Variants in PSD3 observed in about 807,000 individuals in gnomAD.
The protein encoded by PSD3 is PH and SEC7 domain-containing protein 3.
A neutral mutation model predicts 105.5 loss-of-function variants in PSD3; 49 were observed. The observed-to-expected ratio is 0.46, with a 90% CI of 0.37 to 0.59. PSD3 has a LOEUF of 0.59. Among genes scored for constraint, PSD3 ranks in the 20% least tolerant of loss-of-function variants. PSD3 has a pLI of 0.00. For synonymous variants in PSD3, 557 were observed against 457.8 expected (o/e 1.22, Z -2.77); for missense variants, 1,561 against 1,263.8 (o/e 1.24, Z -3.57).
intron 12 of PSD3, among the ~76,000 whole-genome samples, chr8:18,596,256 T>G (rs1211041350): frequency 6.6e-6 from 1 of 151,880 alleles, no homozygotes; most frequent in Non-Finnish European, 1.5e-5. Flanking sequence ...ACAAAAGCAG[T>G]ACCAATAGGC....
intron 9 of PSD3, among the ~76,000 whole-genome samples, chr8:18,737,239 G>A (rs966489464): frequency 6.6e-6 from 1 of 152,182 alleles, no homozygotes; most frequent in Non-Finnish European, 1.5e-5. Flanking sequence ...CACTGCATTA[G>A]TTCACAAATG....
chr8:18,924,685 T>A (rs1374837492), intron 2 of PSD3: 1 of 152,236 alleles, frequency 6.6e-6, no homozygotes, highest in Non-Finnish European at 1.5e-5. Flanking sequence ...GCCATGCTAC[T>A]TTTTTCTTGT....
intron 9 of PSD3, among the ~76,000 whole-genome samples, chr8:18,660,973 T>C (rs1809304464): frequency 1.3e-5 from 2 of 152,214 alleles, no homozygotes; most frequent in Non-Finnish European, 2.9e-5. Context: ...TTCCTCACTT[T>C]TGGTTGCTTC....
chr8:18,697,139 T>C (rs879489691), intron 9 of PSD3, among the ~76,000 whole-genome samples: 7 of 152,206 alleles, frequency 4.6e-5, no homozygotes, highest in Admixed American at 2.0e-4. Context: ...TGAGATATTT[T>C]ACATTATTTT....
intron 4 of PSD3, among the ~76,000 whole-genome samples, chr8:18,851,462 T>C (rs1466936468): frequency 6.6e-6 from 1 of 152,222 alleles, no homozygotes; most frequent in South Asian, 2.1e-4. Context: ...CTCTGTCTCC[T>C]CAGGACTTCA....
chr8:18,572,441 C>G, intron 14 of PSD3, 87 bp downstream of exon 14: 1 of 1,502,442 alleles, frequency 6.7e-7, no homozygotes, highest in Non-Finnish European at 9.1e-7. Context: ...GCCCCCAAAA[C>G]ATGGACTACT....
intron 15 of PSD3, 45 bp downstream of exon 15, chr8:18,556,164 G>GA (rs1016753024): frequency 6.2e-7 from 1 of 1,604,038 alleles, no homozygotes. Context: ...CAGATCATAA[G>GA]AAAACTCAGA....
At chr8:18,838,802 A>AAATAATAAT (rs55792203) in intron 4 of PSD3, among the ~76,000 whole-genome samples, 149 of 131,852 alleles carry the variant, frequency 1.1e-3, no homozygotes, top group East Asian at 2.8e-3. Context: ...ACTCCGTCTC[A>AAATAATAAT]AATAATAATA....
At chr8:18,908,943 C>A (rs1342816159) in intron 2 of PSD3, among the ~76,000 whole-genome samples, 1 of 152,160 alleles carries the variant, frequency 6.6e-6, no homozygotes, top group African/African-American at 2.4e-5. Context: ...CAGCCACACA[C>A]AAAACAAGAG....
chr8:18,860,000 T>C (rs2058665643), intron 4 of PSD3, among the ~76,000 whole-genome samples: 1 of 152,248 alleles, frequency 6.6e-6, no homozygotes, highest in African/African-American at 2.4e-5. Context: ...ATTCTGGCTT[T>C]CAACATGCCT....
intron 8 of PSD3, chr8:18,786,706 T>G (rs1482186691): frequency 6.6e-6 from 1 of 152,228 alleles, no homozygotes; most frequent in Non-Finnish European, 1.5e-5. Context: ...CTTAATTTTC[T>G]TTACTGGTTC....
At chr8:18,578,193 T>G (rs1802577494) in intron 12 of PSD3, among the ~76,000 whole-genome samples, 1 of 152,112 alleles carries the variant, frequency 6.6e-6, no homozygotes, top group African/African-American at 2.4e-5. Flanking sequence ...GATTCAGGAT[T>G]TTTTGCTAGG....
At chr8:18,929,628 C>T (rs1346272638) in intron 2 of PSD3, among the ~76,000 whole-genome samples, 1 of 152,122 alleles carries the variant, frequency 6.6e-6, no homozygotes, top group African/African-American at 2.4e-5. Context: ...GACACACACT[C>T]CACACAGCCA....
chr8:18,732,955 A>C (rs550819461), intron 9 of PSD3: 124 of 152,264 alleles, frequency 8.1e-4, no homozygotes, highest in Non-Finnish European at 7.6e-4. Flanking sequence ...CCTCCCTATC[A>C]CCACCATCTT....
intron 12 of PSD3, among the ~76,000 whole-genome samples, chr8:18,576,569 G>A (rs1275764182): frequency 1.3e-5 from 2 of 152,028 alleles, no homozygotes; most frequent in African/African-American, 2.4e-5. Context: ...CAGTAATTTA[G>A]CATTCCAAAT....
chr8:18,752,485 TA>T (rs1182739139), intron 9 of PSD3, among the ~76,000 whole-genome samples: 1 of 15,778 alleles, frequency 6.3e-5, no homozygotes, highest in Non-Finnish European at 1.7e-4. Flanking sequence ...TATATTATTA[TA>T]TATATAATAT....
intron 1 of PSD3, among the ~76,000 whole-genome samples, chr8:19,031,324 A>G (rs112906675): frequency 2.6e-5 from 4 of 152,334 alleles, no homozygotes; most frequent in South Asian, 2.1e-4. Context: ...TCAAGTATCA[A>G]TAATAAGCAT....
At chr8:18,699,096 T>G (rs974309145) in intron 9 of PSD3, among the ~76,000 whole-genome samples, 1 of 152,182 alleles carries the variant, frequency 6.6e-6, no homozygotes, top group African/African-American at 2.4e-5. Flanking sequence ...CAGGGTTGTT[T>G]CTGGGAACAT....
intron 1 of PSD3, among the ~76,000 whole-genome samples, chr8:19,038,163 G>A (rs1036584837): frequency 2.0e-5 from 3 of 152,032 alleles, no homozygotes; most frequent in African/African-American, 7.2e-5. Context: ...GTCAGAAAGA[G>A]GGACTCAAAA....
Sources: allele counts gnomAD v4.1 joint callset (sites outside exome capture counted in the v4.1 genomes callset), GRCh38; gene constraint gnomAD v4.1.1; transcripts MANE v1.5; gene names NCBI Gene and HGNC (gene_info 2026-07-23, HGNC 2026-07-21).